SMARCD3: variants seen among roughly 807,000 people sequenced by gnomAD.
The protein encoded by SMARCD3 is SWI/SNF-related matrix-associated actin-dependent regulator of chromatin subfamily D member 3.
Under a neutral mutation model 58.0 loss-of-function variants are expected in SMARCD3, and 14 were observed. The ratio of observed to expected loss-of-function variants is 0.24; its 90% confidence interval spans 0.16 to 0.38. SMARCD3 has a LOEUF of 0.38. SMARCD3 is among the 10% of genes least tolerant of loss of function. The pLI is 1.00. For synonymous variants in SMARCD3, 253 were observed against 253.8 expected (o/e 1.00, Z 0.03); for missense variants, 408 against 636.9 (o/e 0.64, Z 3.87).
At chr7:151,252,720 AG>A (rs1445258345), upstream of SMARCD3, among the ~76,000 whole-genome samples, 3 of 41,054 alleles carry the variant, frequency 7.3e-5, no homozygotes, top group Non-Finnish European at 1.4e-4. Flanking sequence ...CGGTCAGCAG[AG>A]GGGACGCTCC....
chr7:151,271,012 C>T (rs1795157893), intron 2 of SMARCD3, among the ~76,000 whole-genome samples: 1 of 152,188 alleles, frequency 6.6e-6, no homozygotes, highest in African/African-American at 2.4e-5. Flanking sequence ...CTCAATATCA[C>T]TGTTTAGCAA....
intron 2 of SMARCD3, among the ~76,000 whole-genome samples, chr7:151,268,929 GC>G (rs1157905660): frequency 6.6e-6 from 1 of 152,126 alleles, no homozygotes; most frequent in African/African-American, 2.4e-5. Context: ...AGTTCTCAAA[GC>G]CCACAATGAT....
chr7:151,248,436 A>G lies in SMARCD3; in HGVS notation c.78+49T>C. 1 of 1,508,422 alleles carries G rather than the reference A, an allele frequency of 6.6e-7. No individual in the cohort carries two copies. Among genetic ancestry groups the G allele is most frequent in the Non-Finnish European group, 9.2e-7 (1 of 1,089,270 alleles). The allele number at this position is 1,508,422 out of a possible 1,614,324, so 93.4% of individuals were successfully genotyped here. On this transcript the variant is annotated intron_variant, in intron 1 of 12. Transcript: ENST00000262188. The surrounding 1 kb of genome is among the most constrained non-coding windows in gnomAD (Gnocchi z 6.1). ...GCCCCTCCCGATCAGCCCTCCATTC[A>G]GCCCGAGCCAGCTCGCTTGCCCTCC...
chr7:151,264,547 T>A (rs1804021256), intron 2 of SMARCD3, among the ~76,000 whole-genome samples: 1 of 152,132 alleles, frequency 6.6e-6, no homozygotes, highest in Non-Finnish European at 1.5e-5. Context: ...CCAGGCCAGG[T>A]CAGCACCTGG....
In SMARCD3 at chr7:151,247,714, G is replaced by C. The variant is rs576808970; in HGVS notation, c.78+771C>G. Among the ~76,000 whole-genome samples, 308 of 74,010 alleles carry C rather than the reference G, an allele frequency of 4.2e-3. 1 individual carries two copies. Among genetic ancestry groups the C allele is most frequent in the African/African-American group, 0.013 (295 of 22,920 alleles). The allele number at this position is 74,010 out of a possible 152,430, so 48.6% of individuals were successfully genotyped here. A position where few individuals can be genotyped will look rare whatever the true frequency, so the allele number is the denominator to read the frequency against. Reference sequence around the variant, plus strand: ...CCACCCCTCCATACCCCTCCCAGCCGGGCCCTACTGACTCAGCTCCAGCCT... The same window carrying C: ...CCACCCCTCCATACCCCTCCCAGCCCGGCCCTACTGACTCAGCTCCAGCCT... On this transcript the variant is annotated intron_variant, in intron 1 of 12. Transcript: ENST00000262188.
At chr7:151,253,177 G>C (rs1803582329), upstream of SMARCD3, among the ~76,000 whole-genome samples, 2 of 152,134 alleles carry the variant, frequency 1.3e-5, no homozygotes, top group South Asian at 4.1e-4. Context: ...GCAGAGCGAC[G>C]GAGCTGTGCC....
At position 151,241,351 on chromosome 7, in the gene SMARCD3, G is replaced by T; in HGVS notation, c.939+141C>A. 1.3e-6 allele frequency: 1 copy of T among 776,264 alleles called. No individual in the cohort carries two copies. The highest frequency in any genetic ancestry group is 2.2e-6 in the Non-Finnish European group (1 of 450,506). 48.1% of individuals were successfully genotyped at this position (776,264 alleles called of 1,614,324 possible). The stretch of plus-strand genomic sequence containing the variant: ...GAACTAGAATCCTGGTCGGTCTCTT[G>T]GCTCCAAGACCATGACTGTGTACTG... On this transcript the variant is annotated intron_variant, in intron 8 of 12. Coordinates refer to ENST00000262188, the MANE Select transcript of SMARCD3 (RefSeq NM_001003801.2). This position sits in a 1 kb window ranked among gnomAD's most constrained non-coding sequence, Gnocchi z 5.3.
Position 151,242,055 on chromosome 7 carries a change from G to C in SMARCD3, c.676-77C>G. 3.2e-6 allele frequency: 5 copies of C among 1,542,264 alleles called. No individual in the cohort carries two copies. Among genetic ancestry groups the C allele is most frequent in the South Asian group, 1.1e-5 (1 of 89,538 alleles). On this transcript the variant is annotated intron_variant, in intron 6 of 12. Coordinates refer to ENST00000262188, the MANE Select transcript of SMARCD3 (RefSeq NM_001003801.2). This position sits in a 1 kb window ranked among gnomAD's most constrained non-coding sequence, Gnocchi z 4.7. ...GGCCCAGGACTCTAGGGTGGTCCCT[G>C]ACCCAAATCTGTGCTGGTTCTTCAG...
chr7:151,275,123 G>C, exon 2 of SMARCD3: 1 of 1,611,898 alleles, frequency 6.2e-7, no homozygotes, highest in Non-Finnish European at 8.5e-7. Context: ...CCTGTACCAC[G>C]GTGGGTGGGT....
chr7:151,241,663 G>A lies in SMARCD3; in HGVS notation c.778-10C>T, dbSNP rs776026262. The A allele has an allele frequency of 1.2e-6, 2 of 1,607,512 alleles. No individual in the cohort carries two copies. The highest frequency in any genetic ancestry group is 1.3e-5 in the African/African-American group (1 of 74,846). On this transcript the variant is annotated splice_polypyrimidine_tract_variant and intron_variant, in intron 7 of 12. Coordinates refer to ENST00000262188, the MANE Select transcript of SMARCD3 (RefSeq NM_001003801.2). This position sits in a 1 kb window ranked among gnomAD's most constrained non-coding sequence, Gnocchi z 5.3. ...GTTTGAACTGGGGAGGCTGGGAAAA[G>A]GGGACTGTGAAAGTTAGACCAAAGG...
upstream of SMARCD3, among the ~76,000 whole-genome samples, chr7:151,252,949 T>C (rs1019920746): frequency 6.6e-6 from 1 of 152,120 alleles, no homozygotes; most frequent in South Asian, 2.1e-4. Context: ...ATGCAATATA[T>C]AGAAGCAAAA....
intron 2 of SMARCD3, among the ~76,000 whole-genome samples, chr7:151,272,281 C>G (rs1795197708): frequency 6.6e-6 from 1 of 152,144 alleles, no homozygotes; most frequent in Non-Finnish European, 1.5e-5. Context: ...CTGCTGGCAT[C>G]GGGGTCTCTG....
At chr7:151,264,248 A>G (rs219238) in intron 2 of SMARCD3, among the ~76,000 whole-genome samples, 110,122 of 151,710 alleles carry the variant, frequency 0.73, 41,423 homozygotes, top group African/African-American at 0.9. Context: ...TAGTAGAGAC[A>G]GGGTTTTGCC....
rs1041087768 is a variant in SMARCD3 at position 151,248,020 on chromosome 7, G to C, written c.78+465C>G. Among the ~76,000 whole-genome samples the C allele has an allele frequency of 1.3e-5, 2 of 152,066 alleles. No individual in the cohort carries two copies. The highest frequency in any genetic ancestry group is 1.3e-4 in the Admixed American group (2 of 15,266). ...CTCAGCCTGCGAGCTTCCCGCTACA[G>C]TGCCTCCAGGGTCACCTGCTCCTTG... On this transcript the variant is annotated intron_variant, in intron 1 of 12. Transcript: ENST00000262188. This position sits in a 1 kb window ranked among gnomAD's most constrained non-coding sequence, Gnocchi z 6.1.
chr7:151,258,514 A>G (rs377066967), intron 2 of SMARCD3, among the ~76,000 whole-genome samples: 12 of 151,136 alleles, frequency 7.9e-5, no homozygotes, highest in South Asian at 2.1e-4. Flanking sequence ...GCAGTGAGCC[A>G]AGATTTCGCC....
upstream of SMARCD3, among the ~76,000 whole-genome samples, chr7:151,252,438 T>TGAGAGA (rs561194702): frequency 7.4e-6 from 1 of 135,124 alleles, no homozygotes; most frequent in Non-Finnish European, 1.6e-5. Context: ...TGTGTGTGTG[T>TGAGAGA]GTGAGAGAGA....
intron 2 of SMARCD3, among the ~76,000 whole-genome samples, chr7:151,273,864 C>T (rs1026324457): frequency 2.0e-5 from 3 of 152,256 alleles, no homozygotes; most frequent in Admixed American, 1.3e-4. Flanking sequence ...CCTGGGCCTG[C>T]ACCTCACTGG....
At position 151,248,640 on chromosome 7, in the gene SMARCD3, C is replaced by T. The variant is rs1195763684; in HGVS notation, c.-78G>A. Reference sequence around the variant, plus strand: ...CCCTTTTCTGCCTTTTTTTTTCCTCCAACTCTCCCCTCTGAGTCCTGCTGG... The same window carrying T: ...CCCTTTTCTGCCTTTTTTTTTCCTCTAACTCTCCCCTCTGAGTCCTGCTGG... On this transcript the variant is annotated 5_prime_UTR_variant, in exon 1 of 13. Transcript: ENST00000262188. The surrounding 1 kb of genome is among the most constrained non-coding windows in gnomAD (Gnocchi z 6.1). The T allele has an allele frequency of 6.3e-7, 1 of 1,595,276 alleles. No individual in the cohort carries two copies. Among genetic ancestry groups the T allele is most frequent in the East Asian group, 2.3e-5 (1 of 43,848 alleles).
At position 151,247,635 on chromosome 7, in the gene SMARCD3, G is replaced by C. The variant is rs1191317180; in HGVS notation, c.78+850C>G. Among the ~76,000 whole-genome samples, 3 of 152,096 alleles carry C rather than the reference G, an allele frequency of 2.0e-5. No individual in the cohort carries two copies. The East Asian group carries it at 5.8e-4, about 29-fold the overall frequency. ...AAACCCGACAGCTTCCTCTACACAG[G>C]GCCTCCACTCCCTCACCCATCCCAA... On this transcript the variant is annotated intron_variant, in intron 1 of 12. Transcript: ENST00000262188.
Sources: gnomAD v4.1 joint callset for allele counts (sites outside exome capture counted in the v4.1 genomes callset) on GRCh38, gnomAD v4.1.1 for gene constraint, Gnocchi (gnomAD v3.1) non-coding constraint, MANE v1.5 for transcripts, NCBI Gene and HGNC (gene_info 2026-07-23, HGNC 2026-07-21) for gene names.